The following VPS13B variants were observed in gnomAD, a reference collection of about 807,000 sequenced individuals.
The protein encoded by VPS13B is intermembrane lipid transfer protein VPS13B.
Under a neutral mutation model 426.4 loss-of-function variants are expected in VPS13B, and 285 were observed. The ratio of observed to expected loss-of-function variants is 0.67; its 90% confidence interval spans 0.61 to 0.74. The LOEUF (loss-of-function observed/expected upper bound fraction) is 0.74, where lower values mean the gene tolerates loss of function less well. VPS13B is among the 30% of genes least tolerant of loss of function. The pLI is 0.00. For synonymous variants in VPS13B, 1,676 were observed against 1,676.4 expected (o/e 1.00, Z 0.01); for missense variants, 4,537 against 4,782.6 (o/e 0.95, Z 1.51).
chr8:99,363,082 A>G (rs536140341), intron 19 of VPS13B, among the ~76,000 whole-genome samples: 3 of 152,284 alleles, frequency 2.0e-5, no homozygotes, highest in Admixed American at 6.5e-5. Context: ...TGCTCAGACC[A>G]ATGTTTTGGA....
intron 54 of VPS13B, among the ~76,000 whole-genome samples, chr8:99,846,157 G>A (rs745877354): frequency 7.9e-5 from 12 of 152,142 alleles, no homozygotes; most frequent in Non-Finnish European, 1.5e-4. Context: ...TTGAGTACCC[G>A]GCACTGGTTG....
chr8:99,050,308 G>A (rs1843465847), intron 3 of VPS13B, among the ~76,000 whole-genome samples: 1 of 151,976 alleles, frequency 6.6e-6, no homozygotes, highest in African/African-American at 2.4e-5. Context: ...CCTTGAGATA[G>A]TTTGCTGAGA....
chr8:99,258,094 GTTTTA>G (rs948504515), intron 17 of VPS13B, among the ~76,000 whole-genome samples: 6 of 151,004 alleles, frequency 4.0e-5, no homozygotes, highest in African/African-American at 1.5e-4. Flanking sequence ...TCATCATTTA[GTTTTA>G]TTTTATTATT....
intron 35 of VPS13B, among the ~76,000 whole-genome samples, chr8:99,688,689 G>A (rs1351029534): frequency 1.3e-5 from 2 of 152,000 alleles, no homozygotes; most frequent in Admixed American, 6.6e-5. Flanking sequence ...AACATTGTGG[G>A]GCCATAGGCT....
intron 17 of VPS13B, among the ~76,000 whole-genome samples, chr8:99,256,747 G>C (rs1234121839): frequency 2.0e-5 from 3 of 151,874 alleles, no homozygotes; most frequent in Non-Finnish European, 4.4e-5. Context: ...TTTTTTTGTT[G>C]TTATTTAGGT....
At position 99,121,329 on chromosome 8, in the gene VPS13B, G is replaced by A; in HGVS notation, c.1090G>A (p.Glu364Lys). 3 of 1,614,168 alleles carry A rather than the reference G, an allele frequency of 1.9e-6. No individual in the cohort carries two copies. The highest frequency in any genetic ancestry group is 2.5e-6 in the Non-Finnish European group (3 of 1,180,022). The change falls in exon 8 of 62, where the codon GAA (glutamate) becomes AAA (lysine). Residue 364 changes from glutamate to lysine, a missense_variant. Around this residue, in one of 2 missense-constraint regions of VPS13B, gnomAD observed 4,311 missense variants for 4,474.3 expected, o/e 0.96. Coordinates refer to ENST00000357162, the MANE Select transcript of VPS13B (RefSeq NM_152564.5). ...AATTGTGAGTTATGACGATGGCGAG[G>A]AAGACTTTGTTGGGAACGATCCTGC... is the stretch of plus-strand genomic sequence containing the variant. ...PAIVSYDDGE[E>K]DFVGNDPAST...
At chr8:99,830,371 G>A (rs1328962455) in intron 51 of VPS13B, among the ~76,000 whole-genome samples, 4 of 152,148 alleles carry the variant, frequency 2.6e-5, no homozygotes, top group South Asian at 4.1e-4. Flanking sequence ...TTCCCAGTCC[G>A]AACTTTCTGG....
chr8:99,868,850 CAG>C (rs921536487), intron 59 of VPS13B, among the ~76,000 whole-genome samples: 2 of 152,198 alleles, frequency 1.3e-5, no homozygotes, highest in Non-Finnish European at 2.9e-5. Context: ...GAGAATGAGA[CAG>C]AGTGTGGATG....
chr8:99,085,546 C>T (rs1441505182), intron 3 of VPS13B, among the ~76,000 whole-genome samples: 2 of 152,216 alleles, frequency 1.3e-5, no homozygotes, highest in East Asian at 1.9e-4. Flanking sequence ...TTCCTAGCAT[C>T]GATGGTGTTT....
At chr8:99,391,323 A>G (rs557998537) in intron 20 of VPS13B, among the ~76,000 whole-genome samples, 1 of 150,940 alleles carries the variant, frequency 6.6e-6, no homozygotes, top group Non-Finnish European at 1.5e-5. Flanking sequence ...GTGGATAAGC[A>G]TTGCTCTGTG....
At chr8:99,424,780 T>C (rs958378137) in intron 21 of VPS13B, among the ~76,000 whole-genome samples, 6 of 152,142 alleles carry the variant, frequency 3.9e-5, no homozygotes, top group African/African-American at 1.4e-4. Context: ...ATCCAGGAGC[T>C]GGTTTTTTGA....
At chr8:99,450,853 C>G (rs1327234014) in intron 23 of VPS13B, among the ~76,000 whole-genome samples, 1 of 151,836 alleles carries the variant, frequency 6.6e-6, no homozygotes, top group East Asian at 1.9e-4. Context: ...TTCTTTGAAA[C>G]CAATTATTTA....
intron 3 of VPS13B, among the ~76,000 whole-genome samples, chr8:99,087,025 CTTTG>C (rs1230751304): frequency 1.3e-5 from 2 of 152,168 alleles, no homozygotes; most frequent in African/African-American, 4.8e-5. Flanking sequence ...ATTCTGCTAC[CTTTG>C]TTTGGCTATG....
intron 3 of VPS13B, among the ~76,000 whole-genome samples, chr8:99,067,663 G>T (rs1327551917): frequency 6.6e-6 from 1 of 152,070 alleles, no homozygotes; most frequent in East Asian, 1.9e-4. Flanking sequence ...CATAAATTTT[G>T]GAATGCCTTG....
In VPS13B at chr8:99,165,785, G is replaced by A. The variant is rs137857667; in HGVS notation, c.2209-4254G>A. Among the ~76,000 whole-genome samples the A allele has an allele frequency of 3.1e-4, 47 of 152,276 alleles. No individual in the cohort carries two copies. The East Asian group carries it at 8.5e-3, about 28-fold the overall frequency. Reference sequence around the variant, plus strand: ...TCCAATTTTCAGTGTATACCCTCCAGCAGGGGTCAGCAAAATTTTGCCTAC... The same window carrying A: ...TCCAATTTTCAGTGTATACCCTCCAACAGGGGTCAGCAAAATTTTGCCTAC... On this transcript the variant is annotated intron_variant, in intron 15 of 61. Coordinates refer to ENST00000357162, the MANE Select transcript of VPS13B (RefSeq NM_152564.5).
Position 99,013,770 on chromosome 8 carries a change from C to A in VPS13B, c.-19C>A. ...GTCTACTCCTTTCAGCTTCCGACTT[C>A]GACTCCTTACCTTAAAAGATGCTGG... On this transcript the variant is annotated 5_prime_UTR_variant, in exon 2 of 62. Transcript: ENST00000357162. 6.2e-7 allele frequency: 1 copy of A among 1,613,986 alleles called. No individual in the cohort carries two copies. Among genetic ancestry groups the A allele is most frequent in the Non-Finnish European group, 8.5e-7 (1 of 1,179,934 alleles).
chr8:99,722,802 C>T (rs115984525), intron 39 of VPS13B, among the ~76,000 whole-genome samples: 3,005 of 152,160 alleles, frequency 0.02, 107 homozygotes, highest in African/African-American at 0.069. Flanking sequence ...CCACCGTGCC[C>T]GGCCGAATTC....
intron 30 of VPS13B, among the ~76,000 whole-genome samples, chr8:99,552,005 G>A (rs918664801): frequency 6.6e-6 from 1 of 151,716 alleles, no homozygotes; most frequent in South Asian, 2.1e-4. Context: ...CTTTAATTAA[G>A]CATTTTTTAG....
chr8:99,293,986 T>G (rs1819888645), intron 19 of VPS13B, among the ~76,000 whole-genome samples: 1 of 113,902 alleles, frequency 8.8e-6, no homozygotes, highest in Non-Finnish European at 1.8e-5. Flanking sequence ...GTGTGGCGAT[T>G]CCTCAGGGAT....
Sources: allele counts gnomAD v4.1 joint callset (sites outside exome capture counted in the v4.1 genomes callset), GRCh38; gene constraint gnomAD v4.1.1; regional missense constraint gnomAD v4.1.1; transcripts MANE v1.5; gene names NCBI Gene and HGNC (gene_info 2026-07-23, HGNC 2026-07-21).